RBFOX1: variants seen among roughly 807,000 people sequenced by gnomAD.
RBFOX1 encodes RNA binding fox-1 homolog 1, also known as RNA binding protein fox-1 homolog 1.
In RBFOX1, 8 loss-of-function variants were observed where a neutral mutation model predicts 57.7. That is an observed-to-expected ratio of 0.14 (90% CI 0.08 to 0.25). The LOEUF (loss-of-function observed/expected upper bound fraction) is 0.25, where lower values mean the gene tolerates loss of function less well. Among genes scored for constraint, RBFOX1 ranks in the 10% least tolerant of loss-of-function variants. RBFOX1 has a pLI of 1.00. For synonymous variants in RBFOX1, 326 were observed against 222.4 expected, an observed-to-expected ratio of 1.47 and a Z score of -4.15; for missense variants, 611 against 548.5, an observed-to-expected ratio of 1.11 and a Z score of -1.14.
intron 1 of RBFOX1, among the ~76,000 whole-genome samples, chr16:5,434,917 T>C (rs1314800900): frequency 6.9e-6 from 1 of 145,770 alleles, no homozygotes; most frequent in Non-Finnish European, 1.5e-5. Flanking sequence ...AAAAAAAAAA[T>C]TTAAGGCTGT....
chr16:6,322,582 C>T (rs765676738), intron 2 of RBFOX1, among the ~76,000 whole-genome samples: 64 of 152,196 alleles, frequency 4.2e-4, no homozygotes, highest in African/African-American at 1.4e-3. Context: ...CAATTTTCAA[C>T]GTAGGAAGTT....
chr16:7,705,199 C>T (rs1402340974), intron 14 of RBFOX1, among the ~76,000 whole-genome samples: 2 of 151,740 alleles, frequency 1.3e-5, no homozygotes, highest in East Asian at 2.0e-4. Flanking sequence ...TGCATGTGTG[C>T]AGGAACGATC....
intron 3 of RBFOX1, among the ~76,000 whole-genome samples, chr16:6,776,584 T>C (rs1274066530): frequency 6.6e-6 from 1 of 152,154 alleles, no homozygotes. Flanking sequence ...GTTGGATGAT[T>C]TGGACATTTG....
At chr16:6,903,861 G>C (rs1315892070) in intron 3 of RBFOX1, among the ~76,000 whole-genome samples, 3 of 152,278 alleles carry the variant, frequency 2.0e-5, no homozygotes, top group Non-Finnish European at 4.4e-5. Context: ...TCATTACTTG[G>C]AAAGGGTGGT....
intron 3 of RBFOX1, among the ~76,000 whole-genome samples, chr16:7,012,274 A>T (rs1455437530): frequency 6.6e-6 from 1 of 152,216 alleles, no homozygotes; most frequent in East Asian, 1.9e-4. Flanking sequence ...TTAAAGATAC[A>T]GGATCTGAGG....
At chr16:6,158,955 T>G (rs2096857844) in intron 1 of RBFOX1, among the ~76,000 whole-genome samples, 1 of 151,698 alleles carries the variant, frequency 6.6e-6, no homozygotes, top group African/African-American at 2.4e-5. Flanking sequence ...CAGGCTGGAG[T>G]ACAGTAGTGC....
At chr16:6,850,235 G>T (rs547006129) in intron 3 of RBFOX1, among the ~76,000 whole-genome samples, 3 of 152,150 alleles carry the variant, frequency 2.0e-5, no homozygotes, top group Admixed American at 6.5e-5. Flanking sequence ...CTTTTGGGGC[G>T]TAAAGTGTAG....
intron 4 of RBFOX1, among the ~76,000 whole-genome samples, chr16:7,266,465 C>T (rs935115788): frequency 4.6e-5 from 7 of 152,188 alleles, no homozygotes; most frequent in Non-Finnish European, 1.0e-4. Flanking sequence ...AACTGTGAGT[C>T]AATTAAACCT....
intron 1 of RBFOX1, among the ~76,000 whole-genome samples, chr16:5,381,624 C>T (rs944836074): frequency 6.6e-6 from 1 of 152,172 alleles, no homozygotes; most frequent in African/African-American, 2.4e-5. Context: ...TGCTAACTCC[C>T]CCATAGGGTT....
At chr16:5,708,149 G>A (rs1041770963) in intron 3 of RBFOX1, among the ~76,000 whole-genome samples, 8 of 152,150 alleles carry the variant, frequency 5.3e-5, no homozygotes, top group Non-Finnish European at 8.8e-5. Flanking sequence ...AGTCAGACTG[G>A]AACTGGATGA....
At chr16:7,603,818 C>T (rs962530083) in intron 9 of RBFOX1, among the ~76,000 whole-genome samples, 1 of 152,010 alleles carries the variant, frequency 6.6e-6, no homozygotes, top group Non-Finnish European at 1.5e-5. Flanking sequence ...GACATGTGTG[C>T]TTATCTCAAA....
chr16:6,931,728 GC>G (rs2076594407), intron 3 of RBFOX1, among the ~76,000 whole-genome samples: 1 of 152,160 alleles, frequency 6.6e-6, no homozygotes, highest in Non-Finnish European at 1.5e-5. Flanking sequence ...CCTCCCTGTT[GC>G]TTGTGCAGAT....
At chr16:6,590,679 A>G (rs949184424) in intron 2 of RBFOX1, among the ~76,000 whole-genome samples, 2 of 152,218 alleles carry the variant, frequency 1.3e-5, no homozygotes, top group African/African-American at 4.8e-5. Flanking sequence ...ATTTACATGC[A>G]TACTACGAAT....
chr16:7,059,771 G>A (rs897387653), intron 4 of RBFOX1, among the ~76,000 whole-genome samples: 1 of 152,156 alleles, frequency 6.6e-6, no homozygotes, highest in Non-Finnish European at 1.5e-5. Context: ...TGCAGTGTCT[G>A]CTTGCCAAGA....
intron 1 of RBFOX1, among the ~76,000 whole-genome samples, chr16:5,291,852 C>G (rs1028136838): frequency 2.6e-5 from 4 of 152,002 alleles, no homozygotes; most frequent in African/African-American, 9.7e-5. Context: ...GTTGGGTTGG[C>G]TGGAGGGAAG....
intron 1 of RBFOX1, among the ~76,000 whole-genome samples, chr16:5,255,030 G>A (rs1464414455): frequency 6.6e-6 from 1 of 152,168 alleles, no homozygotes; most frequent in Non-Finnish European, 1.5e-5. Flanking sequence ...GACACAGCCA[G>A]TTGATTATTG....
intron 1 of RBFOX1, among the ~76,000 whole-genome samples, chr16:5,344,734 T>A (rs1472872212): frequency 1.3e-5 from 2 of 152,164 alleles, no homozygotes; most frequent in African/African-American, 4.8e-5. Flanking sequence ...CATTTTTGGT[T>A]GAAAAAAATA....
chr16:7,423,539 C>A (rs1022318463), intron 4 of RBFOX1, among the ~76,000 whole-genome samples: 1 of 152,044 alleles, frequency 6.6e-6, no homozygotes, highest in African/African-American at 2.4e-5. Flanking sequence ...CTTCTGTCAC[C>A]ATCTGTACTT....
intron 1 of RBFOX1, among the ~76,000 whole-genome samples, chr16:5,356,064 C>G (rs1053594400): frequency 1.3e-5 from 2 of 152,216 alleles, no homozygotes; most frequent in African/African-American, 4.8e-5. Flanking sequence ...GCACTCCACC[C>G]TGGGTGACAG....
Sources: gnomAD v4.1 joint callset for allele counts (sites outside exome capture counted in the v4.1 genomes callset) on GRCh38, gnomAD v4.1.1 for gene constraint, MANE v1.5 for transcripts, NCBI Gene and HGNC (gene_info 2026-07-23, HGNC 2026-07-21) for gene names.